The following ASIC2 variants were observed in gnomAD, a reference collection of about 807,000 sequenced individuals.
ASIC2 encodes the protein acid sensing ion channel subunit 2.
In ASIC2, 25 loss-of-function variants were observed where a neutral mutation model predicts 57.3. The observed-to-expected ratio is 0.44, with a 90% confidence interval of 0.32 to 0.61. ASIC2 has a LOEUF of 0.61. Among genes scored for constraint, ASIC2 ranks in the 20% least tolerant of loss-of-function variants. The pLI is 0.06. For missense variants in ASIC2, 641 were observed against 738.1 expected (o/e 0.87, Z 1.52); for synonymous variants, 319 against 307.5 (o/e 1.04, Z -0.39).
chr17:33,897,630 C>T (rs1567749885), intron 1 of ASIC2, among the ~76,000 whole-genome samples: 1 of 152,198 alleles, frequency 6.6e-6, no homozygotes, highest in Admixed American at 6.5e-5. Flanking sequence ...GCAAATGTAC[C>T]CATGTGCTTC....
At chr17:33,357,724 T>A (rs1473126735) in intron 1 of ASIC2, among the ~76,000 whole-genome samples, 1 of 152,188 alleles carries the variant, frequency 6.6e-6, no homozygotes, top group East Asian at 1.9e-4. Flanking sequence ...CCTGGAGCCC[T>A]GAGTATGTAT....
intron 1 of ASIC2, among the ~76,000 whole-genome samples, chr17:33,787,889 C>T (rs1343200732): frequency 1.3e-5 from 2 of 152,112 alleles, no homozygotes; most frequent in East Asian, 3.8e-4. Context: ...ACCCTTGATG[C>T]TATTCTCCTG....
At chr17:33,134,845 C>T (rs1169178379) in intron 1 of ASIC2, among the ~76,000 whole-genome samples, 3 of 152,228 alleles carry the variant, frequency 2.0e-5, no homozygotes, top group East Asian at 3.9e-4. Context: ...GACTGGCATT[C>T]TCAGACTCTA....
intron 1 of ASIC2, among the ~76,000 whole-genome samples, chr17:33,810,719 G>A (rs1407991023): frequency 2.0e-5 from 3 of 152,184 alleles, no homozygotes; most frequent in African/African-American, 7.2e-5. Context: ...CATGTCAGGA[G>A]ATGCCGCTAC....
At chr17:33,926,818 C>T (rs919019893) in intron 1 of ASIC2, among the ~76,000 whole-genome samples, 1 of 152,230 alleles carries the variant, frequency 6.6e-6, no homozygotes, top group East Asian at 1.9e-4. Flanking sequence ...TGATTACCTG[C>T]CACTGTGTGC....
At chr17:33,940,087 A>G (rs536450428) in intron 1 of ASIC2, among the ~76,000 whole-genome samples, 12 of 152,294 alleles carry the variant, frequency 7.9e-5, no homozygotes, top group African/African-American at 2.6e-4. Context: ...TAGGAGAGCA[A>G]TACGCTACTC....
At chr17:33,206,231 C>T (rs554943639) in intron 1 of ASIC2, among the ~76,000 whole-genome samples, 1 of 152,270 alleles carries the variant, frequency 6.6e-6, no homozygotes, top group African/African-American at 2.4e-5. Context: ...CTCATAAATC[C>T]TCGGGACCCA....
At chr17:33,661,784 G>A (rs1907274784) in intron 1 of ASIC2, among the ~76,000 whole-genome samples, 1 of 152,196 alleles carries the variant, frequency 6.6e-6, no homozygotes, top group Non-Finnish European at 1.5e-5. Context: ...ATGAAAGTCA[G>A]GCCTTTCTTG....
chr17:34,021,933 G>A (rs1370832732), intron 1 of ASIC2, among the ~76,000 whole-genome samples: 1 of 151,384 alleles, frequency 6.6e-6, no homozygotes, highest in Non-Finnish European at 1.5e-5. Flanking sequence ...CACCTCCTGG[G>A]CTCACGCCAT....
At chr17:33,826,599 C>T (rs1436991208) in intron 1 of ASIC2, among the ~76,000 whole-genome samples, 1 of 152,150 alleles carries the variant, frequency 6.6e-6, no homozygotes, top group Non-Finnish European at 1.5e-5. Flanking sequence ...ATGGTTTTCC[C>T]AGTGTTTCAG....
At chr17:33,932,854 G>A (rs1463480260) in intron 1 of ASIC2, among the ~76,000 whole-genome samples, 1 of 149,728 alleles carries the variant, frequency 6.7e-6, no homozygotes, top group Non-Finnish European at 1.5e-5. Context: ...AATTTCTATT[G>A]GGCAATGCTG....
chr17:33,643,400 C>G (rs1416785819), intron 1 of ASIC2, among the ~76,000 whole-genome samples: 2 of 152,188 alleles, frequency 1.3e-5, no homozygotes, highest in Non-Finnish European at 2.9e-5. Flanking sequence ...CCTTTCAATG[C>G]TGTTCACTGC....
chr17:33,553,931 G>A (rs1915827054), intron 1 of ASIC2, among the ~76,000 whole-genome samples: 1 of 152,198 alleles, frequency 6.6e-6, no homozygotes. Context: ...CATGAGGCAG[G>A]TAGACGTTGA....
intron 1 of ASIC2, among the ~76,000 whole-genome samples, chr17:33,663,459 T>C (rs1271363060): frequency 3.3e-5 from 5 of 152,134 alleles, no homozygotes; most frequent in East Asian, 1.9e-4. Flanking sequence ...GTTTTTTTTT[T>C]TTCTTCTTCT....
At chr17:33,590,103 T>C (rs1904776866) in intron 1 of ASIC2, among the ~76,000 whole-genome samples, 2 of 152,250 alleles carry the variant, frequency 1.3e-5, no homozygotes, top group South Asian at 4.1e-4. Flanking sequence ...TCCCTAGAAG[T>C]GCGACTCTGG....
intron 1 of ASIC2, among the ~76,000 whole-genome samples, chr17:33,654,273 A>T (rs930196887): frequency 6.6e-6 from 1 of 152,376 alleles, no homozygotes; most frequent in Admixed American, 6.5e-5. Context: ...GAGAGCACAG[A>T]GGTCAAGAGG....
At chr17:33,070,440 C>A (rs1270057137) in intron 3 of ASIC2, among the ~76,000 whole-genome samples, 3 of 151,420 alleles carry the variant, frequency 2.0e-5, no homozygotes, top group African/African-American at 7.3e-5. Flanking sequence ...CGGGTTCAAG[C>A]AATTCTCCTG....
intron 1 of ASIC2, among the ~76,000 whole-genome samples, chr17:33,562,713 G>A (rs1916112058): frequency 6.6e-6 from 1 of 152,176 alleles, no homozygotes; most frequent in Admixed American, 6.5e-5. Flanking sequence ...GGGACTCTAA[G>A]GCTTAGCCTC....
chr17:33,335,480 T>C (rs1907476586), intron 1 of ASIC2, among the ~76,000 whole-genome samples: 1 of 152,206 alleles, frequency 6.6e-6, no homozygotes, highest in South Asian at 2.1e-4. Context: ...GCAGAGATTG[T>C]AAGTGTGGGA....
Sources: allele counts gnomAD v4.1 joint callset (sites outside exome capture counted in the v4.1 genomes callset), GRCh38; gene constraint gnomAD v4.1.1; transcripts MANE v1.5; gene names NCBI Gene and HGNC (gene_info 2026-07-23, HGNC 2026-07-21).